Variants in PITPNB observed in about 807,000 individuals in gnomAD.
The protein encoded by PITPNB is phosphatidylinositol transfer protein beta, also known as phosphatidylinositol transfer protein beta isoform.
In PITPNB, 16 loss-of-function variants were observed where a neutral mutation model predicts 45.9. That is an observed-to-expected ratio of 0.35 (90% CI 0.24 to 0.53). The LOEUF (loss-of-function observed/expected upper bound fraction) is 0.53. Ranked by LOEUF, PITPNB falls within the 20% of genes least tolerant of loss-of-function variation. The pLI is 0.93. For missense variants in PITPNB, 188 were observed against 330.5 expected, an observed-to-expected ratio of 0.57 and a Z score of 3.34; for synonymous variants, 112 against 108.9, an observed-to-expected ratio of 1.03 and a Z score of -0.18.
chr22:27,882,524 T>G (rs2146379696), intron 7 of PITPNB, among the ~76,000 whole-genome samples: 2 of 152,336 alleles, frequency 1.3e-5, no homozygotes, highest in Middle Eastern at 3.4e-3. Context: ...ACCAATTCAG[T>G]TTCTTTGACA....
chr22:27,873,096 C>T (rs1036117576), intron 8 of PITPNB, among the ~76,000 whole-genome samples: 1 of 152,076 alleles, frequency 6.6e-6, no homozygotes, highest in Non-Finnish European at 1.5e-5. Context: ...GGAGAAACCC[C>T]GTCTCCACTA....
At chr22:27,872,304 G>A (rs5997318) in intron 8 of PITPNB, among the ~76,000 whole-genome samples, 15,963 of 151,754 alleles carry the variant, frequency 0.11, 949 homozygotes, top group South Asian at 0.25. Context: ...ATGTTGCCCA[G>A]GCTGGTATTG....
intron 8 of PITPNB, among the ~76,000 whole-genome samples, chr22:27,867,303 AG>A (rs1182664306): frequency 1.3e-5 from 2 of 152,184 alleles, no homozygotes; most frequent in Non-Finnish European, 2.9e-5. Flanking sequence ...CCCTGACCCA[AG>A]ACACACTGGG....
intron 3 of PITPNB, among the ~76,000 whole-genome samples, chr22:27,903,194 G>T (rs925528145): frequency 6.6e-6 from 1 of 152,034 alleles, no homozygotes; most frequent in Non-Finnish European, 1.5e-5. Flanking sequence ...CAGAGGCCAG[G>T]CATGGTGGCT....
intron 3 of PITPNB, among the ~76,000 whole-genome samples, chr22:27,901,023 T>C (rs1173174287): frequency 6.6e-6 from 1 of 152,054 alleles, no homozygotes; most frequent in Non-Finnish European, 1.5e-5. Flanking sequence ...AAAAAGACAA[T>C]CCTTCAGTTG....
intron 6 of PITPNB, among the ~76,000 whole-genome samples, chr22:27,895,809 C>T (rs1212177505): frequency 6.6e-6 from 1 of 152,096 alleles, no homozygotes; most frequent in African/African-American, 2.4e-5. Flanking sequence ...GAGTCCCACC[C>T]CTAGAGATTC....
At chr22:27,913,279 CTT>C (rs1935986070) in intron 2 of PITPNB, among the ~76,000 whole-genome samples, 1 of 152,180 alleles carries the variant, frequency 6.6e-6, no homozygotes, top group Non-Finnish European at 1.5e-5. Context: ...GACAGCTACT[CTT>C]TTTCACTTCC....
intron 7 of PITPNB, among the ~76,000 whole-genome samples, chr22:27,880,564 C>T (rs553656154): frequency 6.6e-6 from 1 of 152,158 alleles, no homozygotes; most frequent in South Asian, 2.1e-4. Context: ...AGGAATAAAC[C>T]TTAAATTAAT....
intron 10 of PITPNB, among the ~76,000 whole-genome samples, chr22:27,856,595 C>T (rs1934180586): frequency 1.3e-5 from 2 of 152,202 alleles, no homozygotes; most frequent in Admixed American, 6.5e-5. Context: ...ATCACCTGGT[C>T]AATGGTAACT....
chr22:27,916,118 T>C (rs1192299180), intron 1 of PITPNB, among the ~76,000 whole-genome samples: 1 of 152,236 alleles, frequency 6.6e-6, no homozygotes, highest in African/African-American at 2.4e-5. Flanking sequence ...AAAGAATCAC[T>C]GCTGAGTAAT....
At chr22:27,866,308 G>A (rs1013781870) in intron 8 of PITPNB, among the ~76,000 whole-genome samples, 5 of 152,136 alleles carry the variant, frequency 3.3e-5, no homozygotes, top group African/African-American at 7.2e-5. Flanking sequence ...GTTTCTAACT[G>A]TAAATGAAAC....
At chr22:27,870,588 T>G (rs1934628460) in intron 8 of PITPNB, among the ~76,000 whole-genome samples, 2 of 152,178 alleles carry the variant, frequency 1.3e-5, no homozygotes. Context: ...CACAATAAGA[T>G]TTCTTCTTCC....
intron 8 of PITPNB, among the ~76,000 whole-genome samples, chr22:27,872,700 C>T (rs1031496782): frequency 2.0e-5 from 3 of 152,124 alleles, no homozygotes; most frequent in Non-Finnish European, 4.4e-5. Flanking sequence ...CATCACTTAT[C>T]GATGACCTGT....
At chr22:27,861,856 T>C (rs763504149) in intron 8 of PITPNB, among the ~76,000 whole-genome samples, 4 of 152,178 alleles carry the variant, frequency 2.6e-5, no homozygotes, top group Non-Finnish European at 5.9e-5. Flanking sequence ...TTAATACACA[T>C]TAGTTCTCTC....
rs1960329560 is a variant in PITPNB, at chr22:27,858,489, T to G, written c.666A>C (p.Thr222=). ...AACAAAAAAGCTGGCGATGGAAGTT[T>G]GTAAATATCCGTTTTTCTTGCTTTT... ...FIQKQEKRIF[T]NFHRQLFCWI... The change falls in exon 10 of 12, where the codon ACA becomes ACC. Residue 222 remains threonine, a synonymous_variant. Coordinates refer to ENST00000335272, the MANE Select transcript of PITPNB (RefSeq NM_012399.5). 1 of 1,610,492 alleles carries G rather than the reference T, an allele frequency of 6.2e-7. No individual in the cohort carries two copies. The highest frequency in any genetic ancestry group is 1.3e-5 in the African/African-American group (1 of 74,896).
At chr22:27,877,403 A>C (rs542577545) in intron 7 of PITPNB, among the ~76,000 whole-genome samples, 41 of 152,360 alleles carry the variant, frequency 2.7e-4, no homozygotes, top group African/African-American at 9.4e-4. Context: ...TAAGAAAAAA[A>C]GGCAGGATAG....
chr22:27,858,410 C>T lies in PITPNB; in HGVS notation c.745G>A (p.Glu249Lys), dbSNP rs1173233721. 4.4e-6 allele frequency: 7 copies of T among 1,607,342 alleles called. No homozygotes were observed. The highest frequency in any genetic ancestry group is 5.9e-6 in the Non-Finnish European group (7 of 1,176,984). The change falls in exon 10 of 12, where the codon GAG (glutamate) becomes AAG (lysine). Residue 249 changes from glutamate to lysine, a missense_variant. Transcript: ENST00000335272. ...ACTGTTTCTAGTTCTTTCTGAGTCTCGTCTTCCATTCTCCTAATGTCTTCC... is the reference window on the plus strand; with the variant it reads ...ACTGTTTCTAGTTCTTTCTGAGTCTTGTCTTCCATTCTCCTAATGTCTTCC... ...TMEDIRRMEDETQKELETMRK... is the reference protein window; with the variant it reads ...TMEDIRRMEDKTQKELETMRK...
At chr22:27,891,447 G>A (rs1935276211) in intron 7 of PITPNB, among the ~76,000 whole-genome samples, 1 of 152,178 alleles carries the variant, frequency 6.6e-6, no homozygotes, top group Non-Finnish European at 1.5e-5. Context: ...TAATAATAAT[G>A]ATAATTACAG....
At chr22:27,901,888 T>A (rs1001977447) in intron 3 of PITPNB, among the ~76,000 whole-genome samples, 2 of 151,720 alleles carry the variant, frequency 1.3e-5, no homozygotes, top group Non-Finnish European at 2.9e-5. Flanking sequence ...GTCTCAAAAA[T>A]AATAATAATA....
Sources: gnomAD v4.1 joint callset for allele counts (sites outside exome capture counted in the v4.1 genomes callset) on GRCh38, gnomAD v4.1.1 for gene constraint, MANE v1.5 for transcripts, NCBI Gene and HGNC (gene_info 2026-07-23, HGNC 2026-07-21) for gene names.